Variants in FAM193A observed in about 807,000 individuals in gnomAD.
The protein encoded by FAM193A is family with sequence similarity 193 member A, also known as protein FAM193A.
FAM193A carries 22 observed loss-of-function variants against 126.5 expected under a neutral mutation model. That is an observed-to-expected ratio of 0.17 (90% CI 0.12 to 0.25). FAM193A has a LOEUF of 0.25. Among genes scored for constraint, FAM193A ranks in the 10% least tolerant of loss-of-function variants. The pLI, the probability that FAM193A is intolerant of heterozygous loss-of-function variation, is 1.00. For synonymous variants in FAM193A, 761 were observed against 646.8 expected, an observed-to-expected ratio of 1.18 and a Z score of -2.68; for missense variants, 1,675 against 1,672.8, an observed-to-expected ratio of 1.00 and a Z score of -0.02.
chr4:2,651,829 G>A (rs978454382), intron 7 of FAM193A, among the ~76,000 whole-genome samples: 46 of 152,192 alleles, frequency 3.0e-4, no homozygotes, highest in Non-Finnish European at 1.3e-4. Flanking sequence ...GGCCTGAGTC[G>A]TCAAGAAGTG....
chr4:2,580,233 G>A (rs887608672), intron 1 of FAM193A, among the ~76,000 whole-genome samples: 1 of 152,128 alleles, frequency 6.6e-6, no homozygotes, highest in Non-Finnish European at 1.5e-5. Flanking sequence ...GTGAGAATAA[G>A]CAGAACAGAA....
At chr4:2,585,557 TC>T (rs1740186644) in intron 1 of FAM193A, among the ~76,000 whole-genome samples, 2 of 152,250 alleles carry the variant, frequency 1.3e-5, no homozygotes, top group East Asian at 1.9e-4. Context: ...AAGTTGTATA[TC>T]TTTTTCCTAT....
At chr4:2,555,310 T>G (rs948519417) in intron 1 of FAM193A, among the ~76,000 whole-genome samples, 3 of 152,174 alleles carry the variant, frequency 2.0e-5, no homozygotes, top group Admixed American at 1.3e-4. Context: ...TTTATTTTGT[T>G]TTTACTATGG....
chr4:2,645,727 A>C (rs1228609861), intron 6 of FAM193A, among the ~76,000 whole-genome samples: 1 of 151,906 alleles, frequency 6.6e-6, no homozygotes, highest in East Asian at 1.9e-4. Context: ...GGGTTTCTCC[A>C]TGTTGGCCAG....
intron 19 of FAM193A, among the ~76,000 whole-genome samples, chr4:2,711,366 GTC>G (rs1207436136): frequency 1.3e-5 from 2 of 151,628 alleles, no homozygotes; most frequent in Non-Finnish European, 2.9e-5. Flanking sequence ...TTGAGATGGA[GTC>G]TCTCTCTGTC....
chr4:2,720,343 GTTATTTGCT>G (rs1719993347), intron 20 of FAM193A, among the ~76,000 whole-genome samples: 2 of 152,096 alleles, frequency 1.3e-5, no homozygotes, highest in Admixed American at 1.3e-4. Context: ...CAGTACAGAA[GTTATTTGCT>G]TTTGTTTTTT....
chr4:2,669,674 G>T (rs1424936356), intron 12 of FAM193A, among the ~76,000 whole-genome samples: 1 of 152,228 alleles, frequency 6.6e-6, no homozygotes, highest in Admixed American at 6.5e-5. Context: ...TCACAGCAAA[G>T]TTGAGTGAGA....
chr4:2,660,874 G>T (rs1712353862), intron 10 of FAM193A, among the ~76,000 whole-genome samples: 1 of 152,208 alleles, frequency 6.6e-6, no homozygotes, highest in Non-Finnish European at 1.5e-5. Context: ...GAAAGGACTG[G>T]TTTAAACTCA....
chr4:2,564,189 C>G (rs889036864), intron 1 of FAM193A, among the ~76,000 whole-genome samples: 11 of 152,078 alleles, frequency 7.2e-5, no homozygotes, highest in Admixed American at 4.6e-4. Flanking sequence ...TCAAGTGATT[C>G]TTTCATCTCA....
chr4:2,632,185 A>T (rs1743658436), intron 5 of FAM193A, among the ~76,000 whole-genome samples: 1 of 152,134 alleles, frequency 6.6e-6, no homozygotes, highest in South Asian at 2.1e-4. Context: ...GTGCTTTCTT[A>T]GTGGTAAACC....
chr4:2,552,312 AT>A (rs71178477), intron 1 of FAM193A, among the ~76,000 whole-genome samples: 148,698 of 151,062 alleles, frequency 0.98, 73,213 homozygotes, highest in Middle Eastern at 1. Flanking sequence ...CGCCCGGCTG[AT>A]TTTTTTTTGG....
At chr4:2,612,054 T>C (rs905688800) in intron 2 of FAM193A, among the ~76,000 whole-genome samples, 4 of 151,612 alleles carry the variant, frequency 2.6e-5, no homozygotes, top group Non-Finnish European at 5.9e-5. Context: ...GCCAGGATGG[T>C]CTCGTTCTCC....
chr4:2,654,802 C>CAT (rs1487538098), intron 7 of FAM193A: 7 of 320,102 alleles, frequency 2.2e-5, no homozygotes, highest in Non-Finnish European at 4.0e-5. Flanking sequence ...TTTGTGCCTC[C>CAT]ATAGTCTGTA....
At chr4:2,604,783 TCTTTTTC>T (rs1304451656) in intron 2 of FAM193A, among the ~76,000 whole-genome samples, 19 of 149,800 alleles carry the variant, frequency 1.3e-4, no homozygotes, top group African/African-American at 4.7e-4. Context: ...TTTTCTTTTT[TCTTTTTC>T]CTTTTTTTTT....
intron 1 of FAM193A, among the ~76,000 whole-genome samples, chr4:2,585,067 T>G (rs964622171): frequency 3.9e-5 from 6 of 152,250 alleles, no homozygotes; most frequent in Non-Finnish European, 8.8e-5. Context: ...AAGATTTATT[T>G]GTTTTGAACT....
chr4:2,723,049 G>T (rs954751289), intron 20 of FAM193A, among the ~76,000 whole-genome samples: 3 of 152,276 alleles, frequency 2.0e-5, no homozygotes, highest in Admixed American at 6.5e-5. Context: ...CAAGGCAGGA[G>T]GATCACGAGG....
chr4:2,634,246 T>A (rs1743880706), intron 5 of FAM193A, among the ~76,000 whole-genome samples: 1 of 152,170 alleles, frequency 6.6e-6, no homozygotes, highest in Non-Finnish European at 1.5e-5. Context: ...CCACATGAGC[T>A]GGAGTGTGAA....
chr4:2,679,624 C>T (rs376720085), intron 13 of FAM193A, among the ~76,000 whole-genome samples: 30 of 151,904 alleles, frequency 2.0e-4, no homozygotes, highest in Admixed American at 6.6e-4. Flanking sequence ...GTGATCCACC[C>T]GCCTCGGTCT....
intron 1 of FAM193A, among the ~76,000 whole-genome samples, chr4:2,544,894 G>C (rs539474898): frequency 1.3e-5 from 2 of 152,146 alleles, no homozygotes; most frequent in South Asian, 4.2e-4. Flanking sequence ...AAAGACTATA[G>C]ATAGAACAAT....
Sources: gnomAD v4.1 joint callset for allele counts (sites outside exome capture counted in the v4.1 genomes callset) on GRCh38, gnomAD v4.1.1 for gene constraint, MANE v1.5 for transcripts, NCBI Gene and HGNC (gene_info 2026-07-23, HGNC 2026-07-21) for gene names.